RSPH3: variants seen among roughly 807,000 people sequenced by gnomAD.
RSPH3 encodes the protein radial spoke head 3.
In RSPH3, 21 loss-of-function variants were observed where a neutral mutation model predicts 43.8. The observed-to-expected ratio is 0.48, with a 90% CI of 0.34 to 0.69. The LOEUF (loss-of-function observed/expected upper bound fraction) is 0.69. Among genes scored for constraint, RSPH3 ranks in the 30% least tolerant of loss-of-function variants. The pLI, the probability that RSPH3 is intolerant of heterozygous loss-of-function variation, is 0.01. For missense variants in RSPH3, 487 were observed against 516.0 expected (o/e 0.94, Z 0.54); for synonymous variants, 173 against 179.8 (o/e 0.96, Z 0.30).
At position 158,999,850 on chromosome 6, in the gene RSPH3, CGG is replaced by C. The variant is rs1443891718; in HGVS notation, c.-302_-301del. 1.2e-6 allele frequency: 2 copies of C among 1,613,896 alleles called. No individual in the cohort carries two copies. ...GGGCAGTTCCGGTCCCCAGGTTTCCCGGGAAGGACTGCGGCACAAGGGACTTC... is the reference window on the plus strand; with the variant it reads ...GGGCAGTTCCGGTCCCCAGGTTTCCCGAAGGACTGCGGCACAAGGGACTTC... On this transcript the variant is annotated 5_prime_UTR_variant, in exon 1 of 8. It introduces an in-frame stop codon into an upstream open reading frame of the 5' UTR. Coordinates refer to ENST00000367069, the MANE Select transcript of RSPH3 (RefSeq NM_031924.8).
chr6:158,987,795 T>C (rs991117545), intron 2 of RSPH3, among the ~76,000 whole-genome samples: 2 of 152,242 alleles, frequency 1.3e-5, no homozygotes, highest in African/African-American at 4.8e-5. Context: ...AGCTGTCTCA[T>C]TGCACATATT....
At chr6:158,982,056 T>C (rs1490055208) in intron 5 of RSPH3, among the ~76,000 whole-genome samples, 3 of 152,112 alleles carry the variant, frequency 2.0e-5, no homozygotes, top group African/African-American at 7.2e-5. Flanking sequence ...AGAAAAAGAA[T>C]CAGAATTCTA....
In RSPH3 at chr6:158,974,870, TCA is replaced by T. The variant is rs1777785344; in HGVS notation, c.*2666_*2667del. On this transcript the variant is annotated 3_prime_UTR_variant, in exon 8 of 8. Coordinates refer to ENST00000367069, the MANE Select transcript of RSPH3 (RefSeq NM_031924.8). ...GGTTTTTTTTTTTTGAGAAGGAGTC[TCA>T]CTCTGTCTTCCAGGCTGGAGTGCAG... 1 of 150,694 alleles carries T rather than the reference TCA, an allele frequency of 6.6e-6. No homozygotes were observed. Among genetic ancestry groups the T allele is most frequent in the Non-Finnish European group, 1.5e-5 (1 of 67,432 alleles). The allele number at this position is 150,694 out of a possible 1,614,324, so 9.3% of individuals were successfully genotyped here. A position where few individuals can be genotyped will look rare whatever the true frequency, so the allele number is the denominator to read the frequency against.
the RSPH3 span, among the ~76,000 whole-genome samples, chr6:158,965,517 AT>A: frequency 3.3e-5 from 5 of 152,074 alleles, no homozygotes; most frequent in Admixed American, 1.3e-4. Context: ...GGTTAAATTT[AT>A]TCTTAGGTAT....
rs545216136 is a variant in RSPH3 at position 158,999,965 on chromosome 6, C to G, written c.-415G>C. 1.3e-6 allele frequency: 2 copies of G among 1,595,984 alleles called. No individual in the cohort carries two copies. Among genetic ancestry groups the G allele is most frequent in the African/African-American group, 2.7e-5 (2 of 74,820 alleles). On this transcript the variant is annotated 5_prime_UTR_variant, in exon 1 of 8. Coordinates refer to ENST00000367069, the MANE Select transcript of RSPH3 (RefSeq NM_031924.8). ...TGGCTAGGGAGGCGGCCTTGGCTGG[C>G]TTGACCGTCATCCTTGAGGCCTGCG...
In RSPH3 at chr6:158,974,471, T is replaced by C. The variant is rs1777778640; in HGVS notation, c.*3067A>G. The C allele has an allele frequency of 6.6e-6, 1 of 152,244 alleles. No homozygotes were observed. The highest frequency in any genetic ancestry group is 2.1e-4 in the South Asian group (1 of 4,834). The allele number at this position is 152,244 out of a possible 1,614,324, so 9.4% of individuals were successfully genotyped here. On this transcript the variant is annotated 3_prime_UTR_variant, in exon 8 of 8. Transcript: ENST00000367069. ...AGTTATGAAAAGTCTTCTAGACATA[T>C]GGAACCTAAGAATGCTATCTTGTAA...
In RSPH3 at chr6:158,999,557, G is replaced by T. The variant is rs1250648802; in HGVS notation, c.-7C>A. ...CAGTCAGCGCTGAGGCCATGTCCGG[G>T]GGCTGACTGCCTCGCTTTCGGTGGA... On this transcript the variant is annotated 5_prime_UTR_variant, in exon 1 of 8. Coordinates refer to ENST00000367069, the MANE Select transcript of RSPH3 (RefSeq NM_031924.8). The T allele has an allele frequency of 3.1e-6, 5 of 1,606,340 alleles. No individual in the cohort carries two copies. In the Admixed American group the frequency reaches 5.0e-5, roughly 16 times the overall value.
In RSPH3 at chr6:158,999,936, T is replaced by C. The variant is rs754166423; in HGVS notation, c.-386A>G. ...GTAGGTGCGCCTGCGCTTTGCGAGG[T>C]TCCTGGCTAGGGAGGCGGCCTTGGC... On this transcript the variant is annotated 5_prime_UTR_variant, in exon 1 of 8. Coordinates refer to ENST00000367069, the MANE Select transcript of RSPH3 (RefSeq NM_031924.8). The C allele has an allele frequency of 1.9e-6, 3 of 1,610,082 alleles. No individual in the cohort carries two copies. The highest frequency in any genetic ancestry group is 2.5e-6 in the Non-Finnish European group (3 of 1,178,114).
intron 4 of RSPH3, among the ~76,000 whole-genome samples, chr6:158,982,985 T>C (rs1050076201): frequency 1.3e-5 from 2 of 152,236 alleles, no homozygotes; most frequent in African/African-American, 4.8e-5. Context: ...GTTTGATTTT[T>C]ATTTATTTTT....
rs1166862622 is a variant in RSPH3 at position 158,996,312 on chromosome 6, C to T, written c.117-2386G>A. 3.3e-5 allele frequency among the ~76,000 whole-genome samples: 5 copies of T among 152,170 alleles called. No homozygotes were observed. In the East Asian group the frequency reaches 9.6e-4, roughly 29 times the overall value. On this transcript the variant is annotated intron_variant, in intron 1 of 7. Coordinates refer to ENST00000367069, the MANE Select transcript of RSPH3 (RefSeq NM_031924.8). ...TTTAATGGCATTTATGATCACCCAA[C>T]TACCAAGAAATACATAAAAGATGTA... is the stretch of plus-strand genomic sequence containing the variant.
chr6:158,970,449 A>C (rs931129043), downstream of RSPH3, among the ~76,000 whole-genome samples: 9 of 152,142 alleles, frequency 5.9e-5, no homozygotes, highest in Non-Finnish European at 1.3e-4. Flanking sequence ...GGTCAGTCAG[A>C]AGTGAGTGAT....
At chr6:158,984,683 G>T (rs956376239) in intron 3 of RSPH3, among the ~76,000 whole-genome samples, 2 of 151,742 alleles carry the variant, frequency 1.3e-5, no homozygotes, top group Non-Finnish European at 2.9e-5. Flanking sequence ...AGAGTCAGAT[G>T]TTGGGCATAG....
downstream of RSPH3, among the ~76,000 whole-genome samples, chr6:158,972,133 A>G (rs1273123189): frequency 2.0e-5 from 3 of 152,196 alleles, no homozygotes; most frequent in Non-Finnish European, 2.9e-5. Context: ...AGCAAAGGTT[A>G]TAACAGGCAG....
At chr6:158,987,418 C>T (rs573182599) in intron 2 of RSPH3, among the ~76,000 whole-genome samples, 59 of 152,230 alleles carry the variant, frequency 3.9e-4, no homozygotes, top group African/African-American at 1.4e-3. Flanking sequence ...ATCCAATCAG[C>T]TCTTCTATGC....
intron 2 of RSPH3, among the ~76,000 whole-genome samples, chr6:158,987,992 A>G (rs1463053568): frequency 1.3e-5 from 2 of 152,126 alleles, no homozygotes; most frequent in Non-Finnish European, 2.9e-5. Flanking sequence ...CTTTTGGCAC[A>G]TTAGTGTTTT....
rs1261881860 is a variant in RSPH3, at chr6:158,973,564, A to T, written c.*3974T>A. 6.6e-6 allele frequency: 1 copy of T among 152,208 alleles called. No homozygotes were observed. The highest frequency in any genetic ancestry group is 1.5e-5 in the Non-Finnish European group (1 of 68,044). 9.4% of individuals were successfully genotyped at this position (152,208 alleles called of 1,614,324 possible). ...ATAAATCAGTTCTTTTTCTTAATTT[A>T]AAAGAAAAAAGCTTTGAGAAAGGCA... On this transcript the variant is annotated 3_prime_UTR_variant, in exon 8 of 8. Coordinates refer to ENST00000367069, the MANE Select transcript of RSPH3 (RefSeq NM_031924.8).
In RSPH3 at chr6:158,982,574, T is replaced by C. The variant is rs1422181629; in HGVS notation, c.607A>G (p.Ser203Gly). 6.2e-7 allele frequency: 1 copy of C among 1,613,980 alleles called. No homozygotes were observed. The highest frequency in any genetic ancestry group is 1.3e-5 in the African/African-American group (1 of 74,902). ...EEEELANLRA[S>G]QREYEELRNS... ...CGTAGTTCTTCATACTCACGCTGAC[T>C]GGCCCGCAGGTTAGCCAGCTCTTCT... The change falls in exon 5 of 8, where the codon AGT becomes GGT. Residue 203 changes from serine to glycine, a missense_variant. Ser to Gly is a moderately conservative substitution (Grantham distance 56). Transcript: ENST00000367069.
chr6:158,975,348 G>C lies in RSPH3; in HGVS notation c.*2190C>G, dbSNP rs536282821. The C allele has an allele frequency of 2.6e-4, 40 of 152,264 alleles. No individual in the cohort carries two copies. The highest frequency in any genetic ancestry group is 9.6e-4 in the African/African-American group (40 of 41,556). 9.4% of individuals were successfully genotyped at this position (152,264 alleles called of 1,614,324 possible). A position where few individuals can be genotyped will look rare whatever the true frequency, so the allele number is the denominator to read the frequency against. On this transcript the variant is annotated 3_prime_UTR_variant, in exon 8 of 8. Transcript: ENST00000367069. ...GATTCCAATTTTTAAAATGCTATTAGTGCAATAATTTATTTTAAATTATTC... is the reference window on the plus strand; with the variant it reads ...GATTCCAATTTTTAAAATGCTATTACTGCAATAATTTATTTTAAATTATTC...
chr6:158,999,600 G>A lies in RSPH3; in HGVS notation c.-50C>T. The A allele has an allele frequency of 6.2e-7, 1 of 1,610,988 alleles. No homozygotes were observed. Among genetic ancestry groups the A allele is most frequent in the South Asian group, 1.1e-5 (1 of 90,928 alleles). On this transcript the variant is annotated 5_prime_UTR_variant, in exon 1 of 8. Transcript: ENST00000367069. The stretch of plus-strand genomic sequence containing the variant: ...TCGGTGGAGCTTGGCTTTGAAGCAG[G>A]TGGGCGCTAAGGTGTTGTGGGACCC...
Sources: gnomAD v4.1 joint callset for allele counts (sites outside exome capture counted in the v4.1 genomes callset) on GRCh38, gnomAD v4.1.1 for gene constraint, MANE v1.5 for transcripts, NCBI Gene and HGNC (gene_info 2026-07-23, HGNC 2026-07-21) for gene names.